ATRX: variants seen among roughly 807,000 people sequenced by gnomAD.
ATRX encodes chromatin remodeler ATRX.
In ATRX, 12 loss-of-function variants were observed where a neutral mutation model predicts 172.6. That is an observed-to-expected ratio of 0.07 (90% CI 0.04 to 0.11). The LOEUF is 0.11. Ranked by LOEUF, ATRX falls within the 10% of genes least tolerant of loss-of-function variation. The pLI, the probability that ATRX is intolerant of heterozygous loss-of-function variation, is 1.00. For synonymous variants in ATRX, 674 were observed against 594.7 expected (o/e 1.13, Z -1.94); for missense variants, 1,368 against 1,767.4 (o/e 0.77, Z 4.05).
rs1324429004 is a variant in ATRX at position 77,607,044 on chromosome X, A to G, written c.5567-6480T>C. Among the ~76,000 whole-genome samples the G allele has an allele frequency of 9.0e-5, 10 of 111,727 alleles. 1 individual carries two copies. The highest frequency in any genetic ancestry group is 2.9e-4 in the African/African-American group (9 of 30,762). ...GCTAGTATCATACTGAATGGGAAAA[A>G]ACTGAAAGTCTTTGCTCTAAGATCT... On this transcript the variant is annotated intron_variant, in intron 22 of 34. Coordinates refer to ENST00000373344, the MANE Select transcript of ATRX (RefSeq NM_000489.6).
At chrX:77,719,322 C>G (rs2073618711) in intron 1 of ATRX, among the ~76,000 whole-genome samples, 1 of 111,024 alleles carries the variant, frequency 9.0e-6, no homozygotes, top group African/African-American at 3.3e-5. Context: ...GAATATATAC[C>G]AATGGCCAAT....
intron 2 of ATRX, among the ~76,000 whole-genome samples, chrX:77,707,172 A>G (rs2072873656): frequency 8.9e-6 from 1 of 112,026 alleles, no homozygotes; most frequent in Non-Finnish European, 1.9e-5. Flanking sequence ...TCAAATTCCT[A>G]GGAAGAGAAT....
intron 2 of ATRX, among the ~76,000 whole-genome samples, chrX:77,709,771 G>C (rs370129003): frequency 9.2e-6 from 1 of 108,345 alleles, no homozygotes; most frequent in Non-Finnish European, 1.9e-5. Context: ...ACACAGTGAG[G>C]CTCTGTCTCT....
intron 1 of ATRX, among the ~76,000 whole-genome samples, chrX:77,747,043 C>T (rs1557185318): frequency 9.0e-6 from 1 of 110,595 alleles, no homozygotes; most frequent in African/African-American, 3.3e-5. Context: ...TCGTGATCCA[C>T]CCGCTTCGGC....
chrX:77,547,705 T>G (rs183146056), intron 30 of ATRX, among the ~76,000 whole-genome samples: 2 of 111,888 alleles, frequency 1.8e-5, no homozygotes, highest in Middle Eastern at 4.2e-3. Flanking sequence ...GCTAACTTTA[T>G]TGAAAGTGAA....
chrX:77,602,139 G>A (rs2066701827), intron 22 of ATRX, among the ~76,000 whole-genome samples: 1 of 111,534 alleles, frequency 9.0e-6, no homozygotes, highest in Non-Finnish European at 1.9e-5. Flanking sequence ...CCAAAAGCTG[G>A]TACTACAGGC....
chrX:77,680,189 A>G (rs1032373663), intron 9 of ATRX, among the ~76,000 whole-genome samples: 1 of 111,907 alleles, frequency 8.9e-6, no homozygotes, highest in African/African-American at 3.2e-5. Context: ...TTATTTTTCT[A>G]AAAACCAAAA....
chrX:77,651,849 A>G (rs1368246010), intron 15 of ATRX: 1 of 341,332 alleles, frequency 2.9e-6, no homozygotes, highest in Non-Finnish European at 5.1e-6. Context: ...ACAGAGCCAG[A>G]CTCCGTCTAA....
chrX:77,763,923 G>A (rs2075815044), intron 1 of ATRX, among the ~76,000 whole-genome samples: 1 of 110,544 alleles, frequency 9.0e-6, no homozygotes, highest in South Asian at 3.9e-4. Flanking sequence ...AGACCAGCCT[G>A]GGCAACAAGG....
intron 30 of ATRX, among the ~76,000 whole-genome samples, chrX:77,557,248 A>T (rs1294111445): frequency 8.9e-6 from 1 of 111,903 alleles, no homozygotes; most frequent in African/African-American, 3.2e-5. Flanking sequence ...TTCAGAATAT[A>T]CTATCTTTTT....
At chrX:77,630,205 A>T (rs2148323251) in intron 19 of ATRX, among the ~76,000 whole-genome samples, 1 of 112,468 alleles carries the variant, frequency 8.9e-6, no homozygotes, top group South Asian at 3.6e-4. Context: ...AAGAAATTAA[A>T]GGACCTAAAT....
intron 10 of ATRX, among the ~76,000 whole-genome samples, chrX:77,665,042 A>G (rs1037577648): frequency 8.9e-6 from 1 of 112,177 alleles, no homozygotes; most frequent in Admixed American, 9.5e-5. Flanking sequence ...TCTATTGACT[A>G]TTTTTACCAA....
rs45503491 is a variant in ATRX, at chrX:77,715,020, C to T, written c.133+2111G>A. On this transcript the variant is annotated intron_variant, in intron 2 of 34. Coordinates refer to ENST00000373344, the MANE Select transcript of ATRX (RefSeq NM_000489.6). ...TTATTTTCTTTCTCATTTCAGAAAACTTGTAATTTCCTCTAGTGTAGTTAT... is the reference window on the plus strand; with the variant it reads ...TTATTTTCTTTCTCATTTCAGAAAATTTGTAATTTCCTCTAGTGTAGTTAT... Among the ~76,000 whole-genome samples, 6 of 111,996 alleles carry T rather than the reference C, an allele frequency of 5.4e-5. No homozygotes were observed. In the East Asian group the frequency reaches 1.7e-3, roughly 31 times the overall value.
intron 6 of ATRX, among the ~76,000 whole-genome samples, chrX:77,692,889 G>GTA (rs2071981924): frequency 9.9e-6 from 1 of 100,631 alleles, no homozygotes; most frequent in Non-Finnish European, 2.1e-5. Context: ...GTGTGTGTGT[G>GTA]TGTTTTAATT....
chrX:77,650,208 A>G (rs1215155112), intron 15 of ATRX, among the ~76,000 whole-genome samples: 1 of 112,152 alleles, frequency 8.9e-6, no homozygotes, highest in East Asian at 2.8e-4. Context: ...AAGTTAGAGG[A>G]GCTGTACCAC....
intron 13 of ATRX, among the ~76,000 whole-genome samples, chrX:77,656,104 A>G (rs2069535809): frequency 8.9e-6 from 1 of 111,839 alleles, no homozygotes; most frequent in South Asian, 3.7e-4. Context: ...ACTATTTGCC[A>G]GGTAGGTACT....
intron 1 of ATRX, among the ~76,000 whole-genome samples, chrX:77,772,847 A>C (rs2148950124): frequency 9.4e-6 from 1 of 106,556 alleles, no homozygotes; most frequent in South Asian, 4.1e-4. Flanking sequence ...TTTCACCACC[A>C]ATTTTTTTTT....
intron 1 of ATRX, among the ~76,000 whole-genome samples, chrX:77,733,324 C>A (rs1342232121): frequency 2.7e-5 from 3 of 111,512 alleles, no homozygotes; most frequent in Non-Finnish European, 5.6e-5. Flanking sequence ...CACGGAACTA[C>A]AAAAGTTCCA....
chrX:77,653,471 A>T (rs782303213), intron 14 of ATRX, among the ~76,000 whole-genome samples: 3 of 111,926 alleles, frequency 2.7e-5, no homozygotes, highest in Non-Finnish European at 3.8e-5. Context: ...GCATGATTCA[A>T]CTTATATATA....
Sources: gnomAD v4.1 joint callset for allele counts (sites outside exome capture counted in the v4.1 genomes callset) on GRCh38, gnomAD v4.1.1 for gene constraint, MANE v1.5 for transcripts, NCBI Gene and HGNC (gene_info 2026-07-23, HGNC 2026-07-21) for gene names.